Variants in DPYSL3 observed in about 807,000 individuals in gnomAD.
The protein encoded by DPYSL3 is dihydropyrimidinase-related protein 3.
DPYSL3 carries 16 observed loss-of-function variants against 66.1 expected under a neutral mutation model. The observed-to-expected ratio is 0.24, with a 90% CI of 0.16 to 0.37. The LOEUF (loss-of-function observed/expected upper bound fraction) is 0.37, where lower values mean the gene tolerates loss of function less well. DPYSL3 is among the 10% of genes least tolerant of loss of function. DPYSL3 has a pLI of 1.00. For synonymous variants in DPYSL3, 338 were observed against 345.1 expected (o/e 0.98, Z 0.23); for missense variants, 738 against 916.2 (o/e 0.81, Z 2.51).
Position 147,477,561 on chromosome 5 carries a change from CTTTTTTTTTTTTTTTTTT to C in DPYSL3, c.381+31899_381+31916del, listed in dbSNP as rs56406515. ...GAAGGAAAAATAAAAACACCTAAAT[CTTTTTTTTTTTTTTTTTT>C]TTTTTTTTTTTTTTGAGACGGAGTC... On this transcript the variant is annotated intron_variant, in intron 1 of 13. Transcript: ENST00000343218. Among the ~76,000 whole-genome samples, 6 of 64,760 alleles carry C rather than the reference CTTTTTTTTTTTTTTTTTT, an allele frequency of 9.3e-5. No homozygotes were observed. The East Asian group carries it at 1.8e-3, about 19-fold the overall frequency. 42.5% of individuals were successfully genotyped at this position (64,760 alleles called of 152,430 possible).
Position 147,391,665 on chromosome 5 carries a change from A to G in DPYSL3, c.*2370T>C, listed in dbSNP as rs1757808149. 1 of 152,176 alleles carries G rather than the reference A, an allele frequency of 6.6e-6. No individual in the cohort carries two copies. The highest frequency in any genetic ancestry group is 1.5e-5 in the Non-Finnish European group (1 of 68,036). The allele number at this position is 152,176 out of a possible 1,614,324, so 9.4% of individuals were successfully genotyped here. A position where few individuals can be genotyped will look rare whatever the true frequency, so the allele number is the denominator to read the frequency against. The stretch of plus-strand genomic sequence containing the variant: ...TAGGCCTGTTTGATGTGTCTTATGA[A>G]ACGAAACAAATCTGAATATAAATTT... On this transcript the variant is annotated 3_prime_UTR_variant, in exon 14 of 14. Coordinates refer to ENST00000343218, the MANE Select transcript of DPYSL3 (RefSeq NM_001197294.2).
At chr5:147,501,878 A>G (rs1753617551) in intron 1 of DPYSL3, among the ~76,000 whole-genome samples, 1 of 152,150 alleles carries the variant, frequency 6.6e-6, no homozygotes, top group African/African-American at 2.4e-5. Flanking sequence ...AGACAGGGGT[A>G]TATGGGAAGT....
intron 1 of DPYSL3, among the ~76,000 whole-genome samples, chr5:147,429,913 G>A (rs891674196): frequency 3.3e-5 from 5 of 152,274 alleles, no homozygotes; most frequent in African/African-American, 1.2e-4. Context: ...CAATACACCT[G>A]CCCCTTAATG....
chr5:147,468,822 C>A (rs1561798597), intron 1 of DPYSL3, among the ~76,000 whole-genome samples: 1 of 151,880 alleles, frequency 6.6e-6, no homozygotes, highest in African/African-American at 2.4e-5. Context: ...TGTGCTGCAC[C>A]CATTACCTAA....
At chr5:147,418,016 C>T (rs1431671978) in intron 3 of DPYSL3, among the ~76,000 whole-genome samples, 2 of 152,170 alleles carry the variant, frequency 1.3e-5, no homozygotes, top group East Asian at 3.9e-4. Flanking sequence ...TGTAATTCTC[C>T]ATAATCCCTC....
intron 1 of DPYSL3, among the ~76,000 whole-genome samples, chr5:147,479,330 G>A (rs535694374): frequency 1.3e-4 from 20 of 152,250 alleles, no homozygotes; most frequent in East Asian, 3.9e-4. Flanking sequence ...CTTAATTGCC[G>A]GGCTATGCTG....
At chr5:147,436,545 G>C (rs1752417891) in intron 1 of DPYSL3, among the ~76,000 whole-genome samples, 1 of 152,016 alleles carries the variant, frequency 6.6e-6, no homozygotes, top group Admixed American at 6.6e-5. Flanking sequence ...GAGGTTGTAG[G>C]GGTCCTTTTA....
At chr5:147,475,271 G>A (rs1383197031) in intron 1 of DPYSL3, among the ~76,000 whole-genome samples, 1 of 152,038 alleles carries the variant, frequency 6.6e-6, no homozygotes, top group Non-Finnish European at 1.5e-5. Flanking sequence ...ACAGATGTTA[G>A]TTTCTTGGTT....
At chr5:147,428,612 C>G (rs1477345206) in intron 1 of DPYSL3, among the ~76,000 whole-genome samples, 1 of 152,118 alleles carries the variant, frequency 6.6e-6, no homozygotes, top group African/African-American at 2.4e-5. Context: ...ATGCTAAGAT[C>G]AAAAGCCAAC....
intron 6 of DPYSL3, among the ~76,000 whole-genome samples, chr5:147,409,951 C>T (rs894428049): frequency 3.3e-5 from 5 of 152,140 alleles, no homozygotes; most frequent in African/African-American, 1.2e-4. Flanking sequence ...GGAAAATGCA[C>T]ATACTAAAAG....
Position 147,434,670 on chromosome 5 carries a change from T to C in DPYSL3, c.382-9707A>G, listed in dbSNP as rs1480710108. Among the ~76,000 whole-genome samples the C allele has an allele frequency of 2.0e-5, 3 of 149,306 alleles. No individual in the cohort carries two copies. The East Asian group carries it at 5.9e-4, about 29-fold the overall frequency. Reference sequence around the variant, plus strand: ...AGTAAGCCAGGATCGCAAATAGTAATGTGACCTAAAATGACGAAGAGTAAA... The same window carrying C: ...AGTAAGCCAGGATCGCAAATAGTAACGTGACCTAAAATGACGAAGAGTAAA... On this transcript the variant is annotated intron_variant, in intron 1 of 13. Transcript: ENST00000343218.
chr5:147,423,363 T>C (rs1172140880), intron 2 of DPYSL3, among the ~76,000 whole-genome samples: 1 of 152,196 alleles, frequency 6.6e-6, no homozygotes, highest in African/African-American at 2.4e-5. Context: ...TCAATGTTAT[T>C]TGACTAATAC....
rs116622859 is a variant in DPYSL3, at chr5:147,397,385, T to G, written c.1803+281A>C. Among the ~76,000 whole-genome samples the G allele has an allele frequency of 6.4e-3, 974 of 152,326 alleles. 10 individuals carry two copies. Among genetic ancestry groups the G allele is most frequent in the African/African-American group, 0.022 (908 of 41,578 alleles). ...TCATTTATTTTTTAAAAAAATACACTGGCCTTATTTTGAATTATTCGAATT... is the reference window on the plus strand; with the variant it reads ...TCATTTATTTTTTAAAAAAATACACGGGCCTTATTTTGAATTATTCGAATT... On this transcript the variant is annotated intron_variant, in intron 12 of 13. Transcript: ENST00000343218.
rs183148579 is a variant in DPYSL3 at position 147,476,897 on chromosome 5, A to T, written c.381+32581T>A. 6.2e-4 allele frequency among the ~76,000 whole-genome samples: 94 copies of T among 152,336 alleles called. 1 individual carries two copies. The highest frequency in any genetic ancestry group is 5.9e-5 in the Non-Finnish European group (4 of 68,030). ...CTGGCAAAAAACAAAAGCATTAGAAAGAGACACCCTTTAGATGCTTTAGAA... is the reference window on the plus strand; with the variant it reads ...CTGGCAAAAAACAAAAGCATTAGAATGAGACACCCTTTAGATGCTTTAGAA... On this transcript the variant is annotated intron_variant, in intron 1 of 13. Coordinates refer to ENST00000343218, the MANE Select transcript of DPYSL3 (RefSeq NM_001197294.2).
chr5:147,422,472 A>G (rs1297639397), intron 2 of DPYSL3, among the ~76,000 whole-genome samples: 1 of 152,204 alleles, frequency 6.6e-6, no homozygotes, highest in Non-Finnish European at 1.5e-5. Context: ...AACCAGAAAT[A>G]GCATTTGGCC....
At chr5:147,447,724 G>T (rs1218182081) in intron 1 of DPYSL3, among the ~76,000 whole-genome samples, 1 of 152,150 alleles carries the variant, frequency 6.6e-6, no homozygotes, top group African/African-American at 2.4e-5. Flanking sequence ...TACAAAATCA[G>T]CTGGGCATGG....
In DPYSL3 at chr5:147,470,534, C is replaced by T. The variant is rs190638099; in HGVS notation, c.381+38944G>A. 5.3e-5 allele frequency among the ~76,000 whole-genome samples: 8 copies of T among 152,194 alleles called. No individual in the cohort carries two copies. In the East Asian group the frequency reaches 1.2e-3, roughly 22 times the overall value. On this transcript the variant is annotated intron_variant, in intron 1 of 13. Transcript: ENST00000343218. The stretch of plus-strand genomic sequence containing the variant: ...CTTAAATTGTCACTTTCCCACTTAC[C>T]TGTAAGTGAGTCTCCAATCATTCCT...
At chr5:147,503,406 ACCTCAGC>A (rs1753642764) in intron 1 of DPYSL3, among the ~76,000 whole-genome samples, 1 of 151,954 alleles carries the variant, frequency 6.6e-6, no homozygotes, top group South Asian at 2.1e-4. Context: ...CAAACCTCTT[ACCTCAGC>A]CTCCTGGGTA....
chr5:147,509,393 T>G lies in DPYSL3; in HGVS notation c.381+85A>C. 1.4e-6 allele frequency: 2 copies of G among 1,427,774 alleles called. No homozygotes were observed. The highest frequency in any genetic ancestry group is 1.8e-6 in the Non-Finnish European group (2 of 1,090,242). The allele number at this position is 1,427,774 out of a possible 1,614,324, so 88.4% of individuals were successfully genotyped here. ...TCCCCCAGCCCCGTGCAAAGTGAGC[T>G]GGAGAAAGTTGTGCCCGGGCCATGG... On this transcript the variant is annotated intron_variant, in intron 1 of 13. Coordinates refer to ENST00000343218, the MANE Select transcript of DPYSL3 (RefSeq NM_001197294.2). The surrounding 1 kb of genome is among the most constrained non-coding windows in gnomAD (Gnocchi z 5.3).
Sources: allele counts gnomAD v4.1 joint callset (sites outside exome capture counted in the v4.1 genomes callset), GRCh38; gene constraint gnomAD v4.1.1; non-coding constraint Gnocchi (gnomAD v3.1); transcripts MANE v1.5; gene names NCBI Gene and HGNC (gene_info 2026-07-23, HGNC 2026-07-21).